Variants in EVL observed in about 807,000 individuals in gnomAD.
EVL encodes the protein Enah/Vasp-like.
EVL carries 21 observed loss-of-function variants against 59.6 expected under a neutral mutation model. That is an observed-to-expected ratio of 0.35 (90% CI 0.25 to 0.51). EVL has a LOEUF of 0.51. Ranked by LOEUF, EVL falls within the 20% of genes least tolerant of loss-of-function variation. EVL has a pLI of 0.97. For synonymous variants in EVL, 198 were observed against 203.5 expected, an observed-to-expected ratio of 0.97 and a Z score of 0.23; for missense variants, 462 against 546.6, an observed-to-expected ratio of 0.85 and a Z score of 1.54.
At chr14:100,062,284 T>C (rs887541970), upstream of EVL, among the ~76,000 whole-genome samples, 13 of 151,816 alleles carry the variant, frequency 8.6e-5, no homozygotes. Flanking sequence ...GAGTAACATA[T>C]GACAGCTACA....
intron 1 of EVL, among the ~76,000 whole-genome samples, chr14:100,077,200 G>C (rs983220236): frequency 6.6e-6 from 1 of 152,164 alleles, no homozygotes; most frequent in Non-Finnish European, 1.5e-5. Flanking sequence ...CAGCTAGGAG[G>C]CTGTGGTCTA....
intron 3 of EVL, among the ~76,000 whole-genome samples, chr14:100,117,659 G>T (rs1197211695): frequency 6.6e-6 from 1 of 152,188 alleles, no homozygotes; most frequent in African/African-American, 2.4e-5. Flanking sequence ...GCTAAACGAG[G>T]TGGTGTCTGA....
intron 3 of EVL, among the ~76,000 whole-genome samples, chr14:100,121,836 A>T (rs1027899276): frequency 6.6e-6 from 1 of 152,208 alleles, no homozygotes; most frequent in African/African-American, 2.4e-5. Context: ...ACACAGAAGG[A>T]TCTTGCGACA....
At chr14:99,993,685 C>CTTTTTTTTTTTTTTTTTT (rs532512303) in intron 1 of EVL, among the ~76,000 whole-genome samples, 32 of 78,262 alleles carry the variant, frequency 4.1e-4, no homozygotes, top group Non-Finnish European at 5.8e-4. Flanking sequence ...TTCTTTCTTT[C>CTTTTTTTTTTTTTTTTTT]TTTTTTTTTT....
intron 1 of EVL, among the ~76,000 whole-genome samples, chr14:100,083,579 CA>C (rs2140299980): frequency 6.6e-6 from 1 of 152,264 alleles, no homozygotes; most frequent in East Asian, 1.9e-4. Flanking sequence ...AATACCGTGG[CA>C]GGAGTTTTAG....
chr14:100,106,638 A>G (rs1405641527), intron 3 of EVL: 6 of 393,918 alleles, frequency 1.5e-5, no homozygotes, highest in Non-Finnish European at 2.7e-5. Context: ...TATGTAATCT[A>G]TGAATTTCAC....
chr14:100,107,695 C>G (rs553391176), intron 3 of EVL: 27 of 159,524 alleles, frequency 1.7e-4, no homozygotes, highest in Non-Finnish European at 3.2e-4. Flanking sequence ...CTAATGAAAT[C>G]TTGTCAGACG....
At chr14:100,072,578 A>C (rs1305150228) in intron 1 of EVL, among the ~76,000 whole-genome samples, 1 of 152,230 alleles carries the variant, frequency 6.6e-6, no homozygotes, top group African/African-American at 2.4e-5. Context: ...TTGTTGTAAC[A>C]ATGGTATTTA....
intron 1 of EVL, among the ~76,000 whole-genome samples, chr14:99,985,330 G>A (rs749123791): frequency 6.6e-6 from 1 of 151,886 alleles, no homozygotes; most frequent in African/African-American, 2.4e-5. Context: ...TGGGCCTAGG[G>A]GAACTGGCAG....
intron 1 of EVL, among the ~76,000 whole-genome samples, chr14:100,016,587 A>G (rs1264733126): frequency 6.6e-6 from 1 of 152,248 alleles, no homozygotes; most frequent in Non-Finnish European, 1.5e-5. Context: ...TAAAACAAAC[A>G]AACAAACAAA....
chr14:100,115,556 A>G (rs1251497922), intron 3 of EVL, among the ~76,000 whole-genome samples: 2 of 152,220 alleles, frequency 1.3e-5, no homozygotes, highest in African/African-American at 4.8e-5. Context: ...TGACCTTCTA[A>G]CTTGACAGGT....
intron 2 of EVL, among the ~76,000 whole-genome samples, chr14:100,088,845 A>G (rs2062503164): frequency 6.6e-6 from 1 of 152,218 alleles, no homozygotes; most frequent in Non-Finnish European, 1.5e-5. Flanking sequence ...TCCTTCAGCA[A>G]GTGTCCAGAT....
chr14:100,080,116 C>T (rs1471353351), intron 1 of EVL, among the ~76,000 whole-genome samples: 1 of 149,558 alleles, frequency 6.7e-6, no homozygotes, highest in Non-Finnish European at 1.5e-5. Context: ...CAAAAATGGT[C>T]TATGATATAC....
At chr14:100,000,340 C>CTTTTTTTTTTTTTTT (rs60864913) in intron 1 of EVL, among the ~76,000 whole-genome samples, 1 of 99,848 alleles carries the variant, frequency 1.0e-5, no homozygotes, top group Non-Finnish European at 2.0e-5. Context: ...CTGTTGCATT[C>CTTTTTTTTTTTTTTT]TTTTTTTTTT....
At chr14:100,104,968 G>C (rs537409969) in intron 3 of EVL, among the ~76,000 whole-genome samples, 5 of 142,220 alleles carry the variant, frequency 3.5e-5, no homozygotes, top group Middle Eastern at 3.8e-3. Context: ...GAGAAGAAGG[G>C]ATGGGAGCTG....
chr14:100,004,578 T>C (rs1454210370), intron 1 of EVL, among the ~76,000 whole-genome samples: 1 of 152,216 alleles, frequency 6.6e-6, no homozygotes, highest in East Asian at 1.9e-4. Flanking sequence ...TAAATCCTCT[T>C]ATTGTGACTT....
At chr14:100,088,184 T>G (rs1366237941) in intron 2 of EVL, among the ~76,000 whole-genome samples, 1 of 152,220 alleles carries the variant, frequency 6.6e-6, no homozygotes, top group Non-Finnish European at 1.5e-5. Context: ...AAAGACAGTT[T>G]GTCATCAAGT....
chr14:100,033,499 A>C (rs2061344554), intron 1 of EVL, among the ~76,000 whole-genome samples: 1 of 152,218 alleles, frequency 6.6e-6, no homozygotes, highest in Admixed American at 6.5e-5. Context: ...TGTATCTTCT[A>C]ACTAAAAAGT....
intron 1 of EVL, among the ~76,000 whole-genome samples, chr14:99,996,644 C>T (rs189440807): frequency 6.6e-6 from 1 of 152,110 alleles, no homozygotes; most frequent in East Asian, 1.9e-4. Flanking sequence ...TTACTACTCT[C>T]TTTTCCCCCT....
Sources: gnomAD v4.1 joint callset for allele counts (sites outside exome capture counted in the v4.1 genomes callset) on GRCh38, gnomAD v4.1.1 for gene constraint, MANE v1.5 for transcripts, NCBI Gene and HGNC (gene_info 2026-07-23, HGNC 2026-07-21) for gene names.